PTPRK: variants seen among roughly 807,000 people sequenced by gnomAD.
The protein encoded by PTPRK is receptor-type tyrosine-protein phosphatase kappa.
PTPRK carries 75 observed loss-of-function variants against 178.0 expected under a neutral mutation model. That is an observed-to-expected ratio of 0.42 (90% CI 0.35 to 0.51). The LOEUF (loss-of-function observed/expected upper bound fraction) is 0.51, where lower values mean the gene tolerates loss of function less well. Ranked by LOEUF, PTPRK falls within the 20% of genes least tolerant of loss-of-function variation. The probability of loss-of-function intolerance (pLI) is 0.02; values close to 1 mark genes in which losing one functional copy is unlikely to be tolerated. For missense variants in PTPRK, 1,441 were observed against 1,797.8 expected (o/e 0.80, Z 3.59); for synonymous variants, 637 against 620.6 (o/e 1.03, Z -0.39).
intron 3 of PTPRK, among the ~76,000 whole-genome samples, chr6:128,282,880 T>C (rs922920218): frequency 1.3e-5 from 2 of 152,154 alleles, no homozygotes; most frequent in African/African-American, 4.8e-5. Context: ...ATAATATAGC[T>C]ATAAGTGTAC....
At chr6:128,048,058 A>G (rs747329858) in intron 13 of PTPRK, among the ~76,000 whole-genome samples, 1 of 152,132 alleles carries the variant, frequency 6.6e-6, no homozygotes, top group Non-Finnish European at 1.5e-5. Flanking sequence ...GAAGGAAAAC[A>G]TTTCTTTGAA....
In PTPRK at chr6:128,082,636, G is replaced by C; in HGVS notation, c.1578C>G (p.Ile526Met). The C allele has an allele frequency of 6.3e-7, 1 of 1,595,998 alleles. No homozygotes were observed. The highest frequency in any genetic ancestry group is 8.6e-7 in the Non-Finnish European group (1 of 1,166,904). Residue 526 changes from isoleucine to methionine, a missense_variant and splice_region_variant, in exon 10 of 30, where the codon ATC becomes ATG. This residue lies in a region of PTPRK where 945 missense variants were observed against 1,080.6 expected (regional missense o/e 0.87). Transcript: ENST00000368226. ...DPNGIITQYE[I>M]SYSSIRSFDP... is the part of the protein sequence containing the mutation. Reference sequence around the variant, plus strand: ...CAAATGATCTTATACTGCTATAGCTGATCTGTTTTAAGAAATACATTTATT... The same window carrying C: ...CAAATGATCTTATACTGCTATAGCTCATCTGTTTTAAGAAATACATTTATT...
chr6:128,270,305 G>C (rs776528124), intron 3 of PTPRK, among the ~76,000 whole-genome samples: 1 of 152,076 alleles, frequency 6.6e-6, no homozygotes, highest in East Asian at 1.9e-4. Context: ...TTCCTACTGA[G>C]GAAACCTTAG....
At chr6:128,114,616 C>G (rs1187103314) in intron 7 of PTPRK, among the ~76,000 whole-genome samples, 3 of 137,302 alleles carry the variant, frequency 2.2e-5, no homozygotes, top group African/African-American at 8.2e-5. Flanking sequence ...GAGTAAGACT[C>G]AGTCTCAAAA....
At chr6:128,486,012 CAG>C (rs1302581094) in intron 1 of PTPRK, among the ~76,000 whole-genome samples, 2 of 152,050 alleles carry the variant, frequency 1.3e-5, no homozygotes, top group Non-Finnish European at 2.9e-5. Flanking sequence ...TAGTGACTGG[CAG>C]AGTTTACATT....
intron 1 of PTPRK, among the ~76,000 whole-genome samples, chr6:128,476,714 A>C (rs1235404787): frequency 6.6e-6 from 1 of 152,034 alleles, no homozygotes. Flanking sequence ...CATAGTTAAG[A>C]AAACAATTTC....
chr6:128,315,034 A>G (rs543090960), intron 3 of PTPRK, among the ~76,000 whole-genome samples: 1 of 152,244 alleles, frequency 6.6e-6, no homozygotes, highest in South Asian at 2.1e-4. Flanking sequence ...CAAAGGAACA[A>G]CAACCAAAAA....
chr6:128,252,847 C>T (rs1816691395), intron 3 of PTPRK, among the ~76,000 whole-genome samples: 1 of 152,216 alleles, frequency 6.6e-6, no homozygotes, highest in South Asian at 2.1e-4. Flanking sequence ...TAGCCCCTTT[C>T]CTGACCTTTG....
intron 13 of PTPRK, among the ~76,000 whole-genome samples, chr6:128,038,448 A>C (rs1165994035): frequency 6.6e-6 from 1 of 152,132 alleles, no homozygotes; most frequent in Non-Finnish European, 1.5e-5. Context: ...GCTTTCTTCC[A>C]CTTTGATTAT....
At chr6:128,104,328 G>T (rs763712353) in intron 7 of PTPRK, among the ~76,000 whole-genome samples, 1 of 152,096 alleles carries the variant, frequency 6.6e-6, no homozygotes, top group Non-Finnish European at 1.5e-5. Context: ...CCAGGTTCTC[G>T]CCATTCTCCT....
intron 1 of PTPRK, 51 bp downstream of exon 1, chr6:128,520,208 C>T: frequency 6.7e-7 from 1 of 1,482,948 alleles, no homozygotes. Context: ...GCTCACCCCT[C>T]GTGAGCCCAG....
intron 1 of PTPRK, among the ~76,000 whole-genome samples, chr6:128,415,408 T>C (rs1842736105): frequency 6.6e-6 from 1 of 152,200 alleles, no homozygotes; most frequent in Non-Finnish European, 1.5e-5. Flanking sequence ...TGCTTTTTCT[T>C]TTAATGAATA....
At chr6:128,438,424 T>C (rs1242358006) in intron 1 of PTPRK, among the ~76,000 whole-genome samples, 1 of 152,238 alleles carries the variant, frequency 6.6e-6, no homozygotes, top group Admixed American at 6.5e-5. Flanking sequence ...AAGAATCTAC[T>C]CTATCACTGC....
intron 13 of PTPRK, among the ~76,000 whole-genome samples, chr6:128,051,114 A>G (rs1193141934): frequency 6.6e-6 from 1 of 152,126 alleles, no homozygotes; most frequent in East Asian, 1.9e-4. Context: ...CACAGGTTCA[A>G]TTATTCCCTA....
chr6:128,344,518 C>T (rs138283564), intron 2 of PTPRK, among the ~76,000 whole-genome samples: 298 of 152,154 alleles, frequency 2.0e-3, no homozygotes, highest in African/African-American at 6.6e-3. Flanking sequence ...CCACCCCCTC[C>T]AATCACTCCT....
intron 7 of PTPRK, among the ~76,000 whole-genome samples, chr6:128,164,812 T>G (rs1319735911): frequency 6.6e-6 from 1 of 150,988 alleles, no homozygotes; most frequent in African/African-American, 2.4e-5. Flanking sequence ...AAAATATACA[T>G]TATATGGAAT....
At chr6:128,477,662 A>C (rs960732094) in intron 1 of PTPRK, among the ~76,000 whole-genome samples, 4 of 152,150 alleles carry the variant, frequency 2.6e-5, no homozygotes, top group African/African-American at 4.8e-5. Context: ...GCACCAAAGA[A>C]AAGACTACTT....
At chr6:128,414,075 C>A (rs1842587599) in intron 1 of PTPRK, among the ~76,000 whole-genome samples, 1 of 152,124 alleles carries the variant, frequency 6.6e-6, no homozygotes, top group Non-Finnish European at 1.5e-5. Flanking sequence ...AGTAGAGCAA[C>A]AAATTCCCTG....
intron 2 of PTPRK, among the ~76,000 whole-genome samples, chr6:128,350,187 T>C (rs1453730588): frequency 2.0e-5 from 3 of 150,102 alleles, no homozygotes; most frequent in East Asian, 2.0e-4. Flanking sequence ...GAAAAAGGAG[T>C]TGGAGGATCA....
Sources: allele counts gnomAD v4.1 joint callset (sites outside exome capture counted in the v4.1 genomes callset), GRCh38; gene constraint gnomAD v4.1.1; regional missense constraint gnomAD v4.1.1; transcripts MANE v1.5; gene names NCBI Gene and HGNC (gene_info 2026-07-23, HGNC 2026-07-21).